Variants in GDI2 observed in about 807,000 individuals in gnomAD.
GDI2 encodes the protein GDP dissociation inhibitor 2.
A neutral mutation model predicts 54.2 loss-of-function variants in GDI2; 22 were observed. The observed-to-expected ratio is 0.41, with a 90% CI of 0.29 to 0.58. The LOEUF (loss-of-function observed/expected upper bound fraction) is 0.58. Among genes scored for constraint, GDI2 ranks in the 20% least tolerant of loss-of-function variants. The pLI is 0.35. For synonymous variants in GDI2, 177 were observed against 182.1 expected (o/e 0.97, Z 0.23); for missense variants, 422 against 546.0 (o/e 0.77, Z 2.26).
intron 4 of GDI2, among the ~76,000 whole-genome samples, chr10:5,786,725 A>G (rs1453159368): frequency 6.6e-6 from 1 of 152,154 alleles, no homozygotes. Flanking sequence ...TCTGATCTAC[A>G]CTCAGCCAAT....
chr10:5,789,668 T>C (rs1014309793), intron 4 of GDI2, among the ~76,000 whole-genome samples: 1 of 152,202 alleles, frequency 6.6e-6, no homozygotes, highest in Non-Finnish European at 1.5e-5. Context: ...GTTATGTATG[T>C]CATGAATGCT....
chr10:5,804,157 G>C (rs558239154), intron 1 of GDI2, among the ~76,000 whole-genome samples: 4 of 151,458 alleles, frequency 2.6e-5, no homozygotes, highest in African/African-American at 9.7e-5. Context: ...GCAGTGGCGC[G>C]ATCTTGGCTC....
Position 5,812,537 on chromosome 10 carries a change from G to C in GDI2, c.45+677C>G, listed in dbSNP as rs73612493. Reference sequence around the variant, plus strand: ...AAGGTCAGGTGCGAAAGCATTTGACGGACAAGTTTTGAAAAAACTCAATTC... The same window carrying C: ...AAGGTCAGGTGCGAAAGCATTTGACCGACAAGTTTTGAAAAAACTCAATTC... On this transcript the variant is annotated intron_variant, in intron 1 of 10. Coordinates refer to ENST00000380191, the MANE Select transcript of GDI2 (RefSeq NM_001494.4). 5.5e-3 allele frequency among the ~76,000 whole-genome samples: 830 copies of C among 152,198 alleles called. 8 individuals carry two copies. Among genetic ancestry groups the C allele is most frequent in the African/African-American group, 0.019 (795 of 41,512 alleles).
At position 5,766,530 on chromosome 10, in the gene GDI2, C is replaced by A; in HGVS notation, c.1100G>T (p.Arg367Ile). Residue 367 changes from arginine (R) to isoleucine (I), a missense_variant, in exon 9 of 11, where the codon AGA becomes ATA. Physicochemically the swap from Arg to Ile is moderately conservative, Grantham distance 97. Coordinates refer to ENST00000380191, the MANE Select transcript of GDI2 (RefSeq NM_001494.4). The surrounding 1 kb of genome is among the most constrained non-coding windows in gnomAD (Gnocchi z 5.8). ...TGGTTCCAAGAGCTCCAAAGCTGGT[C>A]TGATTTCCTTCTCAGGCTCCTTGGT... The part of the protein sequence containing the change: ...VETKEPEKEI[R>I]PALELLEPIE... 6.2e-7 allele frequency: 1 copy of A among 1,613,940 alleles called. No homozygotes were observed.
chr10:5,796,224 C>T (rs1017848410), intron 3 of GDI2, among the ~76,000 whole-genome samples: 3 of 151,958 alleles, frequency 2.0e-5, no homozygotes, highest in African/African-American at 4.8e-5. Context: ...GTGGCACGCA[C>T]CTGTAATCCC....
rs1564396061 is a variant in GDI2 at position 5,794,227 on chromosome 10, AT to A, written c.388+657del. 8.1e-4 allele frequency among the ~76,000 whole-genome samples: 104 copies of A among 128,454 alleles called. 2 individuals are homozygous for A. The highest frequency in any genetic ancestry group is 3.8e-3 in the Middle Eastern group (1 of 260). The allele number at this position is 128,454 out of a possible 152,430, so 84.3% of individuals were successfully genotyped here. ...TATATATATATATATATATATATAT[AT>A]ATATAAAACTCACCAGGAGTTCCTA... On this transcript the variant is annotated intron_variant, in intron 4 of 10. Transcript: ENST00000380191.
In GDI2 at chr10:5,768,925, T is replaced by C. The variant is rs1393683316; in HGVS notation, c.820-541A>G. 6.6e-6 allele frequency: 1 copy of C among 152,194 alleles called. No individual in the cohort carries two copies. Among genetic ancestry groups the C allele is most frequent in the African/African-American group, 2.4e-5 (1 of 41,436 alleles). 9.4% of individuals were successfully genotyped at this position (152,194 alleles called of 1,614,324 possible). A position where few individuals can be genotyped will look rare whatever the true frequency, so the allele number is the denominator to read the frequency against. ...TTGGAGTTGGCAGTAATTCCTTGTA[T>C]CTAAAACCAAAGACACAGGCAACAA... On this transcript the variant is annotated intron_variant, in intron 7 of 10. Coordinates refer to ENST00000380191, the MANE Select transcript of GDI2 (RefSeq NM_001494.4). The surrounding 1 kb of genome is among the most constrained non-coding windows in gnomAD (Gnocchi z 4.4).
intron 2 of GDI2, among the ~76,000 whole-genome samples, chr10:5,799,291 C>A (rs999680881): frequency 3.9e-5 from 6 of 152,202 alleles, no homozygotes; most frequent in South Asian, 4.1e-4. Context: ...AAGCTACGAT[C>A]GCACTGCTGC....
chr10:5,777,277 A>AG (rs1398714639), intron 6 of GDI2, among the ~76,000 whole-genome samples: 2 of 152,230 alleles, frequency 1.3e-5, no homozygotes, highest in African/African-American at 4.8e-5. Flanking sequence ...GTTCAAGACC[A>AG]GCCTGGCCAA....
At chr10:5,770,524 T>TG (rs1840462293) in intron 7 of GDI2, among the ~76,000 whole-genome samples, 1 of 151,874 alleles carries the variant, frequency 6.6e-6, no homozygotes, top group African/African-American at 2.4e-5. Context: ...ATCATGCCAC[T>TG]GCACTCCAGC....
intron 4 of GDI2, among the ~76,000 whole-genome samples, chr10:5,790,686 C>A (rs1309308999): frequency 6.6e-6 from 1 of 152,124 alleles, no homozygotes; most frequent in Non-Finnish European, 1.5e-5. Context: ...AAATGTTAAT[C>A]AACTACTTAG....
At position 5,768,338 on chromosome 10, in the gene GDI2, T is replaced by C; in HGVS notation, c.866A>G (p.Asp289Gly). Residue 289 changes from aspartate (D) to glycine (G), a missense_variant, in exon 8 of 11, where the codon GAT becomes GGT. Physicochemically the swap from Asp to Gly is moderately conservative, Grantham distance 94 (BLOSUM62 -1). Transcript: ENST00000380191. This position sits in a 1 kb window ranked among gnomAD's most constrained non-coding sequence, Gnocchi z 4.4. ...QLICDPSYVK[D>G]RVEKVGQVIR... ...CACCTGGCCCACTTTTTCTACCCGA[T>C]CTTTTACGTAGCTGGGGTCACAGAT... 4 of 1,613,494 alleles carry C rather than the reference T, an allele frequency of 2.5e-6. No individual in the cohort carries two copies. The highest frequency in any genetic ancestry group is 3.4e-6 in the Non-Finnish European group (4 of 1,179,426).
intron 1 of GDI2, among the ~76,000 whole-genome samples, chr10:5,811,551 T>C (rs1184339723): frequency 6.6e-6 from 1 of 151,190 alleles, no homozygotes; most frequent in Non-Finnish European, 1.5e-5. Context: ...AGAAAAACGG[T>C]GGAACTAACC....
At chr10:5,795,307 A>G (rs1841121004) in intron 3 of GDI2, among the ~76,000 whole-genome samples, 1 of 151,880 alleles carries the variant, frequency 6.6e-6, no homozygotes, top group African/African-American at 2.4e-5. Flanking sequence ...TGTTTTGTAG[A>G]GACAGGGTTT....
At chr10:5,800,312 A>C (rs567813180) in intron 2 of GDI2, among the ~76,000 whole-genome samples, 1 of 152,294 alleles carries the variant, frequency 6.6e-6, no homozygotes, top group South Asian at 2.1e-4. Context: ...GAAAATAAAT[A>C]AAGCCATGAG....
chr10:5,800,670 G>C lies in GDI2; in HGVS notation c.81C>G (p.Gly27=). ...TTCGATCCATATGAAGAACTTTCTT[G>C]CCATTCACTGACATTATACCTGACA... ...CILSGIMSVN[G]KKVLHMDRNP... Residue 27 remains glycine, a synonymous_variant, in exon 2 of 11, where the codon GGC becomes GGG. Transcript: ENST00000380191. 1.3e-6 allele frequency: 2 copies of C among 1,592,896 alleles called. No individual in the cohort carries two copies. The highest frequency in any genetic ancestry group is 1.7e-6 in the Non-Finnish European group (2 of 1,160,720).
intron 6 of GDI2, among the ~76,000 whole-genome samples, chr10:5,781,688 T>A (rs1284477328): frequency 6.6e-6 from 1 of 150,996 alleles, no homozygotes; most frequent in Non-Finnish European, 1.5e-5. Context: ...TTAAAAAAAT[T>A]TTTTCTTTGA....
At chr10:5,794,831 T>C in intron 4 of GDI2, 54 bp downstream of exon 4, 1 of 1,209,936 alleles carries the variant, frequency 8.3e-7, no homozygotes, top group African/African-American at 1.5e-5. Context: ...CAGTATAAAA[T>C]CTCATTATTC....
intron 1 of GDI2, among the ~76,000 whole-genome samples, chr10:5,804,507 A>G (rs1841334216): frequency 6.6e-6 from 1 of 152,178 alleles, no homozygotes; most frequent in Non-Finnish European, 1.5e-5. Flanking sequence ...ATAATTTCTA[A>G]TAGCAAAGAT....
Sources: allele counts gnomAD v4.1 joint callset (sites outside exome capture counted in the v4.1 genomes callset), GRCh38; gene constraint gnomAD v4.1.1; non-coding constraint Gnocchi (gnomAD v3.1); transcripts MANE v1.5; gene names NCBI Gene and HGNC (gene_info 2026-07-23, HGNC 2026-07-21).